PRKCB: variants seen among roughly 807,000 people sequenced by gnomAD.
PRKCB encodes protein kinase C beta type.
In PRKCB, 13 loss-of-function variants were observed where a neutral mutation model predicts 81.5. The observed-to-expected ratio is 0.16, with a 90% CI of 0.10 to 0.25. The LOEUF (loss-of-function observed/expected upper bound fraction) is 0.25. PRKCB is among the 10% of genes least tolerant of loss of function. PRKCB has a pLI of 1.00. For missense variants in PRKCB, 509 were observed against 875.7 expected (o/e 0.58, Z 5.29); for synonymous variants, 335 against 321.4 (o/e 1.04, Z -0.45).
At chr16:23,954,168 T>G (rs1964320815) in intron 2 of PRKCB, among the ~76,000 whole-genome samples, 1 of 152,070 alleles carries the variant, frequency 6.6e-6, no homozygotes, top group Non-Finnish European at 1.5e-5. Flanking sequence ...AGGCTGGTCT[T>G]GAACTCCTGA....
At chr16:24,190,601 C>A (rs1165256767) in intron 15 of PRKCB, among the ~76,000 whole-genome samples, 1 of 150,042 alleles carries the variant, frequency 6.7e-6, no homozygotes, top group Non-Finnish European at 1.5e-5. Context: ...CTCACTGCAA[C>A]CTCCGCTTCC....
chr16:24,025,636 T>G (rs954854318), intron 3 of PRKCB, among the ~76,000 whole-genome samples: 1 of 152,220 alleles, frequency 6.6e-6, no homozygotes, highest in Non-Finnish European at 1.5e-5. Context: ...GGAGAGGATT[T>G]AGAATATAAG....
chr16:24,089,912 C>G (rs891372293), intron 5 of PRKCB, among the ~76,000 whole-genome samples: 1 of 152,170 alleles, frequency 6.6e-6, no homozygotes, highest in Non-Finnish European at 1.5e-5. Context: ...GTTCCAGGTT[C>G]TGTGCTAAAC....
intron 16 of PRKCB, 115 bp from the exon 17 acceptor site, chr16:24,214,542 GA>G: frequency 1.2e-6 from 1 of 827,888 alleles, no homozygotes; most frequent in Non-Finnish European, 1.9e-6. Context: ...CTGAGTTTCT[GA>G]AAGGGAAGGG....
chr16:24,086,466 G>T (rs1004870247), intron 5 of PRKCB, among the ~76,000 whole-genome samples: 1 of 152,064 alleles, frequency 6.6e-6, no homozygotes, highest in African/African-American at 2.4e-5. Flanking sequence ...GCTTATCCTG[G>T]GTCTGTGTGT....
At chr16:23,878,411 A>G (rs1963050868) in intron 2 of PRKCB, among the ~76,000 whole-genome samples, 1 of 152,192 alleles carries the variant, frequency 6.6e-6, no homozygotes, top group African/African-American at 2.4e-5. Flanking sequence ...CACACGCATG[A>G]CACATCTCGG....
chr16:24,176,290 GAGA>G (rs770633382), intron 12 of PRKCB, among the ~76,000 whole-genome samples: 17 of 152,174 alleles, frequency 1.1e-4, no homozygotes, highest in Admixed American at 1.3e-4. Context: ...TAAAAATAGA[GAGA>G]AGAAGAAGAA....
intron 2 of PRKCB, among the ~76,000 whole-genome samples, chr16:23,899,302 A>C (rs1198411465): frequency 6.6e-6 from 1 of 152,240 alleles, no homozygotes; most frequent in African/African-American, 2.4e-5. Context: ...ATGGAAGGTC[A>C]AGGTAATAAT....
At chr16:24,019,806 T>C (rs1965335569) in intron 3 of PRKCB, among the ~76,000 whole-genome samples, 1 of 152,018 alleles carries the variant, frequency 6.6e-6, no homozygotes. Flanking sequence ...TCCATATTAA[T>C]GCAGAGAACT....
At chr16:24,022,542 AG>A (rs1965417905) in intron 3 of PRKCB, among the ~76,000 whole-genome samples, 1 of 151,930 alleles carries the variant, frequency 6.6e-6, no homozygotes, top group Non-Finnish European at 1.5e-5. Context: ...CCCAGGCTGG[AG>A]TGCAGTGGTG....
chr16:23,909,489 A>C (rs1398943906), intron 2 of PRKCB, among the ~76,000 whole-genome samples: 2 of 152,180 alleles, frequency 1.3e-5, no homozygotes, highest in Non-Finnish European at 2.9e-5. Flanking sequence ...ATTCACATAC[A>C]TTTAAGTTCA....
Position 24,113,037 on chromosome 16 carries a change from G to A in PRKCB, c.886G>A (p.Glu296Lys). The stretch of plus-strand genomic sequence containing the variant: ...TGTGCCTGTGCCACCAGAAGGAAGT[G>A]AGGCCAATGAAGAACTGCGGCAGAA... ...FNVPVPPEGS[E>K]ANEELRQKFE... The change falls in exon 8 of 17, where the codon GAG (glutamate) becomes AAG (lysine). Residue 296 changes from glutamate (E) to lysine (K), a missense_variant. By Grantham distance (56) the Glu-to-Lys change is moderately conservative. Around this residue, in one of 6 missense-constraint regions of PRKCB, gnomAD observed 80 missense variants for 89.4 expected, o/e 0.90. Coordinates refer to ENST00000643927, the MANE Select transcript of PRKCB (RefSeq NM_002738.7). 1 of 1,613,112 alleles carries A rather than the reference G, an allele frequency of 6.2e-7. No individual in the cohort carries two copies. The highest frequency in any genetic ancestry group is 8.5e-7 in the Non-Finnish European group (1 of 1,179,512).
chr16:24,161,284 A>G (rs1325515105), intron 10 of PRKCB, among the ~76,000 whole-genome samples: 1 of 152,252 alleles, frequency 6.6e-6, no homozygotes, highest in Admixed American at 6.5e-5. Context: ...GAATAAAAAT[A>G]TCTTTCAAAC....
intron 3 of PRKCB, among the ~76,000 whole-genome samples, chr16:24,027,601 G>C (rs562972333): frequency 6.6e-6 from 1 of 152,274 alleles, no homozygotes; most frequent in South Asian, 2.1e-4. Flanking sequence ...CTCAAACTTG[G>C]CTGTCCAGTG....
chr16:23,880,536 C>A (rs1235202856), intron 2 of PRKCB, among the ~76,000 whole-genome samples: 1 of 152,204 alleles, frequency 6.6e-6, no homozygotes, highest in Non-Finnish European at 1.5e-5. Context: ...ACAGCCTCTG[C>A]AGGCCTTTCT....
chr16:24,040,420 C>A (rs969057557), intron 5 of PRKCB, among the ~76,000 whole-genome samples: 1 of 152,194 alleles, frequency 6.6e-6, no homozygotes, highest in South Asian at 2.1e-4. Flanking sequence ...GATCTCGGTT[C>A]ATTTTTACCA....
At chr16:24,095,059 T>G (rs1401995148) in intron 7 of PRKCB, among the ~76,000 whole-genome samples, 1 of 152,142 alleles carries the variant, frequency 6.6e-6, no homozygotes, top group Non-Finnish European at 1.5e-5. Flanking sequence ...ACATGGATTT[T>G]CTATTTGTCA....
chr16:24,192,187 G>T (rs887261301), intron 16 of PRKCB, among the ~76,000 whole-genome samples: 54 of 152,346 alleles, frequency 3.5e-4, no homozygotes, highest in African/African-American at 1.1e-3. Flanking sequence ...TGCTAGGCAC[G>T]TAATGATAAT....
chr16:24,064,968 T>C (rs1189782753), intron 5 of PRKCB, among the ~76,000 whole-genome samples: 1 of 148,620 alleles, frequency 6.7e-6, no homozygotes, highest in Admixed American at 6.7e-5. Context: ...TTATATATGT[T>C]TTATATAATG....
Sources: gnomAD v4.1 joint callset for allele counts (sites outside exome capture counted in the v4.1 genomes callset) on GRCh38, gnomAD v4.1.1 for gene constraint, gnomAD v4.1.1 regional missense constraint, MANE v1.5 for transcripts, NCBI Gene and HGNC (gene_info 2026-07-23, HGNC 2026-07-21) for gene names.